GPATCH2: variants seen among roughly 807,000 people sequenced by gnomAD.
GPATCH2 encodes the protein G-patch domain containing 2, also known as G patch domain-containing protein 2.
A neutral mutation model predicts 58.0 loss-of-function variants in GPATCH2; 51 were observed. The ratio of observed to expected loss-of-function variants is 0.88; its 90% CI spans 0.70 to 1.11. The LOEUF (loss-of-function observed/expected upper bound fraction) is 1.11, where lower values mean the gene tolerates loss of function less well. Among genes scored for constraint, GPATCH2 ranks in the 50% most tolerant of loss-of-function variants. The pLI, the probability that GPATCH2 is intolerant of heterozygous loss-of-function variation, is 0.00. For missense variants in GPATCH2, 625 were observed against 652.2 expected (o/e 0.96, Z 0.45); for synonymous variants, 222 against 218.5 (o/e 1.02, Z -0.14).
chr1:217,505,868 G>C (rs1662529126), intron 6 of GPATCH2, among the ~76,000 whole-genome samples: 1 of 151,868 alleles, frequency 6.6e-6, no homozygotes, highest in South Asian at 2.1e-4. Context: ...CATCACCCAG[G>C]CTGGAGTGCA....
intron 7 of GPATCH2, among the ~76,000 whole-genome samples, chr1:217,497,824 T>A (rs1018217701): frequency 2.6e-5 from 4 of 152,170 alleles, no homozygotes; most frequent in African/African-American, 9.6e-5. Context: ...TAACTGCTGA[T>A]TTTACATGTA....
intron 6 of GPATCH2, among the ~76,000 whole-genome samples, chr1:217,514,200 C>A (rs1413379037): frequency 2.0e-5 from 3 of 151,800 alleles, no homozygotes; most frequent in Non-Finnish European, 4.4e-5. Context: ...CACTCTACTG[C>A]CCAGGCTGGA....
chr1:217,464,331 G>T (rs930298652), intron 8 of GPATCH2, among the ~76,000 whole-genome samples: 1 of 152,022 alleles, frequency 6.6e-6, no homozygotes, highest in African/African-American at 2.4e-5. Flanking sequence ...GCTATGAGAT[G>T]CCATATCAAC....
intron 8 of GPATCH2, among the ~76,000 whole-genome samples, chr1:217,466,947 C>A (rs1381577385): frequency 6.6e-6 from 1 of 152,100 alleles, no homozygotes; most frequent in Admixed American, 6.5e-5. Context: ...CTGAGGCAGG[C>A]GGATTGCCTG....
intron 5 of GPATCH2, among the ~76,000 whole-genome samples, chr1:217,587,817 A>T (rs1297079967): frequency 6.6e-6 from 1 of 152,218 alleles, no homozygotes; most frequent in African/African-American, 2.4e-5. Flanking sequence ...ACTAAAATAC[A>T]TAATTTAGTT....
chr1:217,627,612 C>T (rs1669530490), intron 1 of GPATCH2, among the ~76,000 whole-genome samples: 1 of 152,020 alleles, frequency 6.6e-6, no homozygotes, highest in Admixed American at 6.6e-5. Flanking sequence ...CACGGGTGCT[C>T]CTGGCAGCTT....
chr1:217,550,857 A>G (rs1390522657), intron 5 of GPATCH2, among the ~76,000 whole-genome samples: 16 of 147,866 alleles, frequency 1.1e-4, no homozygotes. Context: ...ATACTATTAT[A>G]ATATAATTAT....
intron 5 of GPATCH2, among the ~76,000 whole-genome samples, chr1:217,603,843 G>C (rs1668229411): frequency 6.6e-6 from 1 of 151,852 alleles, no homozygotes. Flanking sequence ...GGCTGGTCTT[G>C]AACTCCTGAC....
intron 8 of GPATCH2, among the ~76,000 whole-genome samples, chr1:217,458,923 T>C (rs1245016619): frequency 1.3e-5 from 2 of 152,160 alleles, no homozygotes; most frequent in Non-Finnish European, 2.9e-5. Context: ...GTTTTAAGAT[T>C]AGAGGAGACT....
chr1:217,608,749 C>A, intron 5 of GPATCH2: 1 of 981,904 alleles, frequency 1.0e-6, no homozygotes, highest in Non-Finnish European at 1.2e-6. Flanking sequence ...TTATGTAATT[C>A]AGAAAAAAAA....
intron 5 of GPATCH2, among the ~76,000 whole-genome samples, chr1:217,555,894 C>T (rs17046599): frequency 0.018 from 2,728 of 152,154 alleles, 85 homozygotes; most frequent in East Asian, 0.15. Flanking sequence ...ACAAATTTTA[C>T]GGAGGGAGAG....
chr1:217,518,365 A>T (rs1201335731), intron 5 of GPATCH2, among the ~76,000 whole-genome samples: 1 of 152,228 alleles, frequency 6.6e-6, no homozygotes, highest in Non-Finnish European at 1.5e-5. Flanking sequence ...ATGATCAATT[A>T]TCAATGACAA....
At chr1:217,435,299 A>G (rs1445620932) in intron 9 of GPATCH2, among the ~76,000 whole-genome samples, 2 of 152,130 alleles carry the variant, frequency 1.3e-5, no homozygotes, top group Admixed American at 6.5e-5. Context: ...TGGATCTCTC[A>G]TATCTATTAC....
At chr1:217,477,451 T>C (rs1415646622) in intron 8 of GPATCH2, among the ~76,000 whole-genome samples, 1 of 151,618 alleles carries the variant, frequency 6.6e-6, no homozygotes, top group Non-Finnish European at 1.5e-5. Flanking sequence ...TTGGTTCCTG[T>C]ATGGCATTTT....
intron 5 of GPATCH2, chr1:217,610,046 G>T: frequency 1.4e-6 from 2 of 1,455,950 alleles, no homozygotes; most frequent in Non-Finnish European, 1.8e-6. Context: ...TCATCAAAGA[G>T]GCTCTCACTT....
At chr1:217,467,996 A>G (rs1259731907) in intron 8 of GPATCH2, among the ~76,000 whole-genome samples, 1 of 152,234 alleles carries the variant, frequency 6.6e-6, no homozygotes, top group Non-Finnish European at 1.5e-5. Flanking sequence ...TGGACGAAAC[A>G]TATCAAATGT....
intron 7 of GPATCH2, among the ~76,000 whole-genome samples, chr1:217,494,030 T>A (rs972267250): frequency 2.0e-5 from 3 of 152,182 alleles, no homozygotes; most frequent in African/African-American, 7.2e-5. Flanking sequence ...AACATTAGGT[T>A]GTATCTACTA....
rs186155221 is a variant in GPATCH2 at position 217,494,361 on chromosome 1, G to A, written c.1207-2611C>T. ...GAGATCTCTGGGTCATGAATCACAA[G>A]TTAATATGTGAGCTTAGATCTTTTA... On this transcript the variant is annotated intron_variant, in intron 7 of 9. Transcript: ENST00000366935. 1.8e-3 allele frequency among the ~76,000 whole-genome samples: 276 copies of A among 152,302 alleles called. 1 individual carries two copies. The highest frequency in any genetic ancestry group is 2.5e-3 in the Non-Finnish European group (167 of 68,012).
intron 9 of GPATCH2, among the ~76,000 whole-genome samples, chr1:217,436,273 T>G (rs935546556): frequency 2.0e-5 from 3 of 152,160 alleles, no homozygotes; most frequent in Non-Finnish European, 4.4e-5. Flanking sequence ...ATCAGAACCA[T>G]TTTTGGTCTT....
Sources: gnomAD v4.1 joint callset for allele counts (sites outside exome capture counted in the v4.1 genomes callset) on GRCh38, gnomAD v4.1.1 for gene constraint, MANE v1.5 for transcripts, NCBI Gene and HGNC (gene_info 2026-07-23, HGNC 2026-07-21) for gene names.